Variants in NRG1 observed in about 807,000 individuals in gnomAD.
The protein encoded by NRG1 is pro-neuregulin-1, membrane-bound isoform.
In NRG1, 18 loss-of-function variants were observed where a neutral mutation model predicts 63.8. That is an observed-to-expected ratio of 0.28 (90% CI 0.19 to 0.42). The LOEUF (loss-of-function observed/expected upper bound fraction) is 0.42. NRG1 is among the 10% of genes least tolerant of loss of function. NRG1 has a pLI of 1.00. For missense variants in NRG1, 762 were observed against 814.7 expected, an observed-to-expected ratio of 0.94 and a Z score of 0.79; for synonymous variants, 302 against 301.3, an observed-to-expected ratio of 1.00 and a Z score of -0.02.
At chr8:32,694,506 G>GT (rs1177613849) in intron 5 of NRG1, among the ~76,000 whole-genome samples, 1 of 152,150 alleles carries the variant, frequency 6.6e-6, no homozygotes, top group East Asian at 1.9e-4. Flanking sequence ...TCAGTTCCTT[G>GT]TTTTTTCTTT....
At chr8:32,714,638 G>A (rs537389157) in intron 5 of NRG1, among the ~76,000 whole-genome samples, 130 of 152,336 alleles carry the variant, frequency 8.5e-4, no homozygotes, top group Middle Eastern at 6.8e-3. Flanking sequence ...TTATTTATCA[G>A]TGAATCTTTC....
chr8:32,411,568 A>C (rs1814953646), intron 1 of NRG1, among the ~76,000 whole-genome samples: 1 of 152,158 alleles, frequency 6.6e-6, no homozygotes, highest in African/African-American at 2.4e-5. Flanking sequence ...ATCTCAAAAT[A>C]TTGTGTGCTC....
At chr8:31,743,718 T>A (rs1815550751) in intron 1 of NRG1, among the ~76,000 whole-genome samples, 1 of 151,938 alleles carries the variant, frequency 6.6e-6, no homozygotes, top group South Asian at 2.1e-4. Context: ...TGTTGGAAAG[T>A]CTTGCTTTAA....
chr8:32,466,100 C>G (rs1823029607), intron 1 of NRG1, among the ~76,000 whole-genome samples: 2 of 152,070 alleles, frequency 1.3e-5, no homozygotes, highest in Non-Finnish European at 2.9e-5. Context: ...CTCAGTAGTT[C>G]AAGACCAAGC....
At chr8:31,667,919 G>C (rs1806720058) in intron 1 of NRG1, among the ~76,000 whole-genome samples, 1 of 152,140 alleles carries the variant, frequency 6.6e-6, no homozygotes, top group Non-Finnish European at 1.5e-5. Flanking sequence ...CTGAAAAAGT[G>C]AGGTCCATAT....
intron 1 of NRG1, among the ~76,000 whole-genome samples, chr8:32,055,049 G>A (rs1822685993): frequency 6.6e-6 from 1 of 151,586 alleles, no homozygotes; most frequent in Admixed American, 6.6e-5. Context: ...CACCATGCCT[G>A]GCTAATTTTT....
intron 5 of NRG1, among the ~76,000 whole-genome samples, chr8:32,704,636 A>G (rs1815864441): frequency 6.6e-6 from 1 of 152,226 alleles, no homozygotes; most frequent in African/African-American, 2.4e-5. Flanking sequence ...TGAGAAAAAT[A>G]CTTAAGTGTT....
chr8:31,726,422 ACTAT>A (rs1216014670), intron 1 of NRG1, among the ~76,000 whole-genome samples: 1 of 152,136 alleles, frequency 6.6e-6, no homozygotes, highest in Admixed American at 6.6e-5. Flanking sequence ...AGTAATAAAA[ACTAT>A]CTAAGGCAAA....
At chr8:31,809,851 T>TC (rs1482084776) in intron 1 of NRG1, among the ~76,000 whole-genome samples, 1 of 151,576 alleles carries the variant, frequency 6.6e-6, no homozygotes, top group Non-Finnish European at 1.5e-5. Flanking sequence ...TTTTTTTTTT[T>TC]TTTAGGGTCA....
intron 5 of NRG1, among the ~76,000 whole-genome samples, chr8:32,700,440 A>G (rs1814553881): frequency 6.6e-6 from 1 of 152,218 alleles, no homozygotes; most frequent in African/African-American, 2.4e-5. Context: ...AATAACAGGT[A>G]AATACTTTTC....
At position 31,794,970 on chromosome 8, in the gene NRG1, T is replaced by C. The variant is rs181621125; in HGVS notation, c.37+155539T>C. 3.5e-4 allele frequency among the ~76,000 whole-genome samples: 53 copies of C among 152,156 alleles called. 1 individual carries two copies. The highest frequency in any genetic ancestry group is 6.5e-4 in the Non-Finnish European group (44 of 68,006). ...GTCATGCGACACCACAGGCAGCTAA[T>C]TTTTGTATTTTTAGTAGAGGTGGAG... On this transcript the variant is annotated intron_variant, in intron 1 of 10. Coordinates refer to the NRG1 transcript ENST00000519301.
intron 1 of NRG1, among the ~76,000 whole-genome samples, chr8:32,520,031 C>A (rs1830184382): frequency 6.6e-6 from 1 of 152,170 alleles, no homozygotes; most frequent in Non-Finnish European, 1.5e-5. Context: ...CACATACCCT[C>A]ATATTCTAAA....
chr8:32,230,875 C>G (rs1846857576), intron 1 of NRG1, among the ~76,000 whole-genome samples: 1 of 152,072 alleles, frequency 6.6e-6, no homozygotes, highest in South Asian at 2.1e-4. Context: ...ATATTAGAAA[C>G]AGTCCAATTC....
At chr8:32,206,533 A>T (rs1844083370) in intron 1 of NRG1, among the ~76,000 whole-genome samples, 1 of 152,204 alleles carries the variant, frequency 6.6e-6, no homozygotes, top group South Asian at 2.1e-4. Context: ...TTCTTATTTA[A>T]TCTTAGAGAT....
intron 1 of NRG1, among the ~76,000 whole-genome samples, chr8:32,172,840 C>T (rs188229061): frequency 6.5e-4 from 99 of 151,684 alleles, no homozygotes; most frequent in Admixed American, 5.5e-3. Context: ...TGGGACTATG[C>T]GAAAAGACCA....
In NRG1 at chr8:31,642,670, G is replaced by T. The variant is rs1045809356; in HGVS notation, c.37+3239G>T. 7.2e-5 allele frequency among the ~76,000 whole-genome samples: 11 copies of T among 152,100 alleles called. 1 individual carries two copies. The highest frequency in any genetic ancestry group is 2.7e-4 in the African/African-American group (11 of 41,396). On this transcript the variant is annotated intron_variant, in intron 1 of 10. Coordinates refer to the NRG1 transcript ENST00000519301. ...AGTTGTGGCACGTTTTAAAAAAATG[G>T]GTTTTTAATGAGCTGGAGATCTTTT...
chr8:32,210,262 G>T (rs542667200), intron 1 of NRG1, among the ~76,000 whole-genome samples: 1 of 151,822 alleles, frequency 6.6e-6, no homozygotes. Context: ...TTTCATATTA[G>T]AAATTAAAAC....
chr8:31,921,641 G>T (rs965095430), intron 1 of NRG1, among the ~76,000 whole-genome samples: 4 of 152,094 alleles, frequency 2.6e-5, no homozygotes, highest in African/African-American at 7.2e-5. Flanking sequence ...TTGCAGCAAA[G>T]AAAAAGAACC....
At chr8:32,331,475 G>C (rs1463039796) in intron 1 of NRG1, among the ~76,000 whole-genome samples, 1 of 152,028 alleles carries the variant, frequency 6.6e-6, no homozygotes, top group Non-Finnish European at 1.5e-5. Flanking sequence ...AGGCTGCAGT[G>C]AGTTGTGATC....
Sources: gnomAD v4.1 joint callset for allele counts (sites outside exome capture counted in the v4.1 genomes callset) on GRCh38, gnomAD v4.1.1 for gene constraint, MANE v1.5 for transcripts, NCBI Gene and HGNC (gene_info 2026-07-23, HGNC 2026-07-21) for gene names.